MMRN1: variants seen among roughly 807,000 people sequenced by gnomAD.
The protein encoded by MMRN1 is multimerin 1, also known as multimerin-1.
In MMRN1, 94 loss-of-function variants were observed where a neutral mutation model predicts 100.7. That is an observed-to-expected ratio of 0.93 (90% CI 0.79 to 1.11). The LOEUF is 1.11. Ranked by LOEUF, MMRN1 falls within the 50% of genes least tolerant of loss-of-function variation. The pLI, the probability that MMRN1 is intolerant of heterozygous loss-of-function variation, is 0.00. For missense variants in MMRN1, 1,606 were observed against 1,439.1 expected (o/e 1.12, Z -1.88); for synonymous variants, 575 against 505.0 (o/e 1.14, Z -1.86).
chr4:89,922,343 T>C (rs1722116426), intron 3 of MMRN1, among the ~76,000 whole-genome samples: 1 of 152,054 alleles, frequency 6.6e-6, no homozygotes, highest in Admixed American at 6.6e-5. Context: ...CGACCTCAAG[T>C]GATCCACCTG....
rs776659355 is a variant in MMRN1 at position 89,953,461 on chromosome 4, C to CAGTGTTT, written c.*44_*50dup. ...ACTATCACCTTTATTGAGAAACAGC[C>CAGTGTTT]AGTGTTTTCATTTATCTTTGCTTGC... On this transcript the variant is annotated 3_prime_UTR_variant, in exon 8 of 8. Transcript: ENST00000264790. The CAGTGTTT allele has an allele frequency of 4.0e-6, 6 of 1,503,348 alleles. No individual in the cohort carries two copies. The highest frequency in any genetic ancestry group is 5.3e-6 in the Non-Finnish European group (6 of 1,122,678). The allele number at this position is 1,503,348 out of a possible 1,614,324, so 93.1% of individuals were successfully genotyped here.
intron 1 of MMRN1, among the ~76,000 whole-genome samples, chr4:89,899,536 T>G (rs1481555531): frequency 6.6e-6 from 1 of 152,038 alleles, no homozygotes; most frequent in Non-Finnish European, 1.5e-5. Flanking sequence ...GAAATTGTAG[T>G]GTATAATGGG....
intron 6 of MMRN1, among the ~76,000 whole-genome samples, 176 bp downstream of exon 6, chr4:89,936,974 T>A (rs1722667028): frequency 6.6e-6 from 1 of 152,120 alleles, no homozygotes; most frequent in African/African-American, 2.4e-5. Flanking sequence ...TTACAGTATT[T>A]CAGACATCAA....
At chr4:89,910,276 C>T (rs142216034) in intron 2 of MMRN1, among the ~76,000 whole-genome samples, 145 of 151,480 alleles carry the variant, frequency 9.6e-4, no homozygotes, top group African/African-American at 3.4e-3. Context: ...CTCTTTGTGA[C>T]AATTTCCTTG....
chr4:89,888,465 C>T (rs1277068450), intron 1 of MMRN1, among the ~76,000 whole-genome samples: 1 of 150,790 alleles, frequency 6.6e-6, no homozygotes, highest in Non-Finnish European at 1.5e-5. Context: ...CCTGATAACT[C>T]ATCAATTGTG....
intron 6 of MMRN1, among the ~76,000 whole-genome samples, chr4:89,939,406 T>G (rs1372584368): frequency 1.3e-5 from 2 of 152,190 alleles, no homozygotes; most frequent in Non-Finnish European, 2.9e-5. Context: ...TAACTTACTT[T>G]GAAGCCTGAT....
chr4:89,914,983 A>G (rs769394891), intron 3 of MMRN1, among the ~76,000 whole-genome samples: 1 of 151,598 alleles, frequency 6.6e-6, no homozygotes, highest in South Asian at 2.1e-4. Flanking sequence ...ATCTTATAAC[A>G]TTCTGTTTTG....
intron 3 of MMRN1, among the ~76,000 whole-genome samples, chr4:89,917,758 G>A (rs1257225835): frequency 6.6e-6 from 1 of 151,686 alleles, no homozygotes; most frequent in Non-Finnish European, 1.5e-5. Context: ...AGAGTCACTG[G>A]GTGACATGAG....
chr4:89,891,647 C>A (rs920710180), upstream of MMRN1, among the ~76,000 whole-genome samples: 1 of 151,938 alleles, frequency 6.6e-6, no homozygotes, highest in Non-Finnish European at 1.5e-5. Context: ...TGTTGATAAC[C>A]CCCTTTGTCC....
rs779440687 is a variant in MMRN1 at position 89,936,600 on chromosome 4, A to G, written c.2920A>G (p.Lys974Glu). 2.5e-6 allele frequency: 4 copies of G among 1,611,826 alleles called. No homozygotes were observed. The South Asian group carries it at 4.4e-5, about 18-fold the overall frequency. ...ATTTGTGGAACCAATAATTCAAATA[A>G]AAACTCAAGCTGCCCTATCTAATTT... ...TEFVEPIIQI[K>E]TQAALSNLTC... The change falls in exon 6 of 8, where the codon AAA becomes GAA. Residue 974 changes from lysine to glutamate, a missense_variant. Lys to Glu is a moderately conservative substitution (Grantham distance 56, BLOSUM62 1). Coordinates refer to ENST00000264790, the MANE Select transcript of MMRN1 (RefSeq NM_007351.3).
At chr4:89,923,115 A>C (rs542905278) in intron 3 of MMRN1, 53 bp from the exon 4 acceptor site, 21 of 1,414,528 alleles carry the variant, frequency 1.5e-5, no homozygotes, top group Middle Eastern at 3.6e-4. Context: ...ACTGGAAAAA[A>C]TGAGGCTGTC....
chr4:89,910,065 T>C lies in MMRN1; in HGVS notation c.743+670T>C, dbSNP rs1721699678. ...CAATTGTTATTCAGGCCATGATGGC[T>C]AATGTTATGCAAATAGTCATACAAA... On this transcript the variant is annotated intron_variant, in intron 2 of 7. Transcript: ENST00000264790. Among the ~76,000 whole-genome samples the C allele has an allele frequency of 2.0e-5, 3 of 151,464 alleles. No individual in the cohort carries two copies. The South Asian group carries it at 6.2e-4, about 31-fold the overall frequency.
rs139602886 is a variant in MMRN1 at position 89,889,357 on chromosome 4, G to A, written c.-248-5367G>A. On this transcript the variant is annotated intron_variant, in intron 1 of 8. Transcript: ENST00000394980. ...GCCGTCTTGACATCTGAAACCAGAG[G>A]GCGTCGAGGGCCTTAACCCAAAAGT... 6.4e-3 allele frequency among the ~76,000 whole-genome samples: 968 copies of A among 152,148 alleles called. 12 individuals are homozygous for A. The highest frequency in any genetic ancestry group is 8.7e-3 in the Non-Finnish European group (589 of 67,992).
chr4:89,902,641 A>G (rs1721430194), intron 1 of MMRN1, among the ~76,000 whole-genome samples: 1 of 151,814 alleles, frequency 6.6e-6, no homozygotes, highest in Non-Finnish European at 1.5e-5. Flanking sequence ...ATCATTGAAA[A>G]CTCAATTACA....
chr4:89,937,133 A>G (rs2110638191), intron 6 of MMRN1, among the ~76,000 whole-genome samples: 1 of 152,256 alleles, frequency 6.6e-6, no homozygotes, highest in East Asian at 1.9e-4. Flanking sequence ...GAGATCTTTA[A>G]TAGACCAGAT....
intron 1 of MMRN1, among the ~76,000 whole-genome samples, chr4:89,898,583 C>T (rs2110582386): frequency 6.6e-6 from 1 of 151,890 alleles, no homozygotes; most frequent in African/African-American, 2.4e-5. Context: ...CACACGATGC[C>T]ATCCTAGATC....
At position 89,938,954 on chromosome 4, in the gene MMRN1, T is replaced by TG. The variant is rs142368438; in HGVS notation, c.3118+2159dup. On this transcript the variant is annotated intron_variant, in intron 6 of 7. Coordinates refer to ENST00000264790, the MANE Select transcript of MMRN1 (RefSeq NM_007351.3). ...CAGGCCGGGCCAGCAACATAATGTATGGGACCCTTTTAAGTGGTTGCATAG... is the reference window on the plus strand; with the variant it reads ...CAGGCCGGGCCAGCAACATAATGTATGGGGACCCTTTTAAGTGGTTGCATAG... Among the ~76,000 whole-genome samples, 808 of 152,152 alleles carry TG rather than the reference T, an allele frequency of 5.3e-3. 9 individuals carry two copies. Among genetic ancestry groups the TG allele is most frequent in the African/African-American group, 0.019 (780 of 41,538 alleles).
At chr4:89,928,076 G>A in intron 5 of MMRN1, 108 bp downstream of exon 5, 12 of 818,288 alleles carry the variant, frequency 1.5e-5, no homozygotes, top group South Asian at 5.0e-5. Flanking sequence ...TGGGTGGTAT[G>A]GAAACCTAAG....
chr4:89,882,757 CTT>C (rs549282105), intron 1 of MMRN1, among the ~76,000 whole-genome samples: 182 of 152,014 alleles, frequency 1.2e-3, no homozygotes, highest in African/African-American at 4.1e-3. Flanking sequence ...ACTTTAAAAA[CTT>C]AATGTGTAAT....
Sources: allele counts gnomAD v4.1 joint callset (sites outside exome capture counted in the v4.1 genomes callset), GRCh38; gene constraint gnomAD v4.1.1; transcripts MANE v1.5; gene names NCBI Gene and HGNC (gene_info 2026-07-23, HGNC 2026-07-21).